Variants in VAT1L observed in about 807,000 individuals in gnomAD.
VAT1L encodes the protein putative NADPH-dependent quinone oxidoreductase VAT1L.
A neutral mutation model predicts 44.1 loss-of-function variants in VAT1L; 34 were observed. The observed-to-expected ratio is 0.77, with a 90% confidence interval of 0.59 to 1.03. The LOEUF (loss-of-function observed/expected upper bound fraction) is 1.03, where lower values mean the gene tolerates loss of function less well. Ranked by LOEUF, VAT1L falls within the 50% of genes least tolerant of loss-of-function variation. The pLI is 0.00. For synonymous variants in VAT1L, 253 were observed against 202.2 expected, an observed-to-expected ratio of 1.25 and a Z score of -2.13; for missense variants, 615 against 538.8, an observed-to-expected ratio of 1.14 and a Z score of -1.40.
intron 1 of VAT1L, among the ~76,000 whole-genome samples, chr16:77,809,108 C>T (rs2016218535): frequency 6.6e-6 from 1 of 152,214 alleles, no homozygotes; most frequent in African/African-American, 2.4e-5. Flanking sequence ...TCTGGATTTA[C>T]ATCACTTGCT....
chr16:77,867,302 C>T (rs1012431777), intron 4 of VAT1L, among the ~76,000 whole-genome samples: 1 of 152,102 alleles, frequency 6.6e-6, no homozygotes, highest in Non-Finnish European at 1.5e-5. Context: ...CATATTTAAT[C>T]TCTCACCAAA....
At chr16:77,847,794 A>G (rs2016772026) in intron 3 of VAT1L, among the ~76,000 whole-genome samples, 2 of 152,210 alleles carry the variant, frequency 1.3e-5, no homozygotes, top group African/African-American at 4.8e-5. Flanking sequence ...TGTGAATGGC[A>G]ATGTAATCTT....
intron 7 of VAT1L, among the ~76,000 whole-genome samples, chr16:77,907,958 G>C (rs947646797): frequency 1.4e-4 from 22 of 152,168 alleles, no homozygotes; most frequent in African/African-American, 4.8e-4. Context: ...GCCATCAAAA[G>C]GGCTGGACAC....
chr16:77,848,229 C>G (rs538022304), intron 3 of VAT1L, among the ~76,000 whole-genome samples: 1 of 152,180 alleles, frequency 6.6e-6, no homozygotes, highest in African/African-American at 2.4e-5. Context: ...ATAGAACGGG[C>G]TGACTAGAGA....
intron 8 of VAT1L, 78 bp downstream of exon 8, chr16:77,972,011 GGTAGAAGGAA>G: frequency 7.1e-7 from 1 of 1,414,970 alleles, no homozygotes; most frequent in Non-Finnish European, 9.7e-7. Flanking sequence ...ACACGGGTGG[GGTAGAAGGAA>G]GTACAGGTAG....
At chr16:77,977,444 A>G (rs2018353001) in intron 8 of VAT1L, among the ~76,000 whole-genome samples, 153 bp from the exon 9 acceptor site, 1 of 152,184 alleles carries the variant, frequency 6.6e-6, no homozygotes, top group South Asian at 2.1e-4. Flanking sequence ...AGGGTGCCCA[A>G]CATATGACAG....
At position 77,862,793 on chromosome 16, in the gene VAT1L, G is replaced by A. The variant is rs1472761758; in HGVS notation, c.625G>A (p.Val209Ile). The A allele has an allele frequency of 1.9e-6, 3 of 1,613,952 alleles. No homozygotes were observed. The highest frequency in any genetic ancestry group is 2.5e-6 in the Non-Finnish European group (3 of 1,180,018). Residue 209 changes from valine to isoleucine, a missense_variant, in exon 4 of 9, where the codon GTC becomes ATC. Transcript: ENST00000302536. ...QLCSTVPNVT[V>I]FGTASTFKHE... ...GTGTTCCACTGTCCCCAACGTGACT[G>A]TCTTTGGAACAGCCTCTACTTTCAA...
chr16:77,864,967 C>CTTTTTTTTTT (rs869037679), intron 4 of VAT1L, among the ~76,000 whole-genome samples: 1 of 95,380 alleles, frequency 1.0e-5, no homozygotes, highest in Non-Finnish European at 1.9e-5. Flanking sequence ...TCTTCTTATC[C>CTTTTTTTTTT]TTTTTTTTTT....
chr16:77,941,276 G>A (rs1045671244), intron 7 of VAT1L, among the ~76,000 whole-genome samples: 3 of 152,166 alleles, frequency 2.0e-5, no homozygotes, highest in Non-Finnish European at 2.9e-5. Context: ...GTGGCAGCTT[G>A]TTGCATTAGC....
intron 3 of VAT1L, among the ~76,000 whole-genome samples, chr16:77,858,115 C>G (rs1407147676): frequency 6.6e-6 from 1 of 152,182 alleles, no homozygotes; most frequent in African/African-American, 2.4e-5. Context: ...GACACAGTCC[C>G]TGCCCCCACA....
intron 7 of VAT1L, among the ~76,000 whole-genome samples, chr16:77,894,751 G>A (rs2017304039): frequency 6.6e-6 from 1 of 152,126 alleles, no homozygotes; most frequent in African/African-American, 2.4e-5. Flanking sequence ...TCATATATAT[G>A]CTAAGATAGA....
At chr16:77,825,122 C>T in intron 2 of VAT1L, 124 bp from the exon 3 acceptor site, 2 of 994,228 alleles carry the variant, frequency 2.0e-6, no homozygotes, top group Non-Finnish European at 3.1e-6. Flanking sequence ...CCACCTCAGC[C>T]TCCCAAAGTG....
At chr16:77,805,865 C>CTTTCTTTTTTTTT (rs2016147307) in intron 1 of VAT1L, among the ~76,000 whole-genome samples, 1 of 78,838 alleles carries the variant, frequency 1.3e-5, no homozygotes, top group Non-Finnish European at 2.8e-5. Flanking sequence ...TAGTCTCTGC[C>CTTTCTTTTTTTTT]TTTTTTTTTT....
At chr16:77,940,140 C>T (rs2017861512) in intron 7 of VAT1L, among the ~76,000 whole-genome samples, 1 of 152,090 alleles carries the variant, frequency 6.6e-6, no homozygotes, top group African/African-American at 2.4e-5. Flanking sequence ...GCCAGTGATA[C>T]GCTAGTGAAT....
At chr16:77,972,769 G>T (rs1046758659) in intron 8 of VAT1L, among the ~76,000 whole-genome samples, 1 of 150,468 alleles carries the variant, frequency 6.6e-6, no homozygotes, top group Non-Finnish European at 1.5e-5. Context: ...GGACTAGAAT[G>T]AGACTGTCTC....
Position 77,788,638 on chromosome 16 carries a change from C to A in VAT1L, c.-45C>A. The A allele has an allele frequency of 6.5e-7, 1 of 1,539,838 alleles. No individual in the cohort carries two copies. The highest frequency in any genetic ancestry group is 8.8e-7 in the Non-Finnish European group (1 of 1,141,768). ...GAGCCCCACTCCCCCAGCGCCGCAG[C>A]CACCGCAGCCACCGCAGCCCGTGCG... On this transcript the variant is annotated 5_prime_UTR_variant, in exon 1 of 9. Transcript: ENST00000302536.
chr16:77,947,916 C>G (rs968383850), intron 7 of VAT1L, among the ~76,000 whole-genome samples: 1 of 152,136 alleles, frequency 6.6e-6, no homozygotes, highest in African/African-American at 2.4e-5. Flanking sequence ...TGTGCCACCA[C>G]GCCCAGCTAA....
intron 8 of VAT1L, among the ~76,000 whole-genome samples, chr16:77,973,779 G>A (rs2018306037): frequency 6.6e-6 from 1 of 151,960 alleles, no homozygotes; most frequent in Non-Finnish European, 1.5e-5. Flanking sequence ...AGGCTGGAGT[G>A]CAGTGGTGCG....
intron 7 of VAT1L, among the ~76,000 whole-genome samples, chr16:77,968,513 C>T (rs954528003): frequency 6.6e-6 from 1 of 152,132 alleles, no homozygotes; most frequent in Non-Finnish European, 1.5e-5. Context: ...ATCACAAAGT[C>T]AGGAGATCAA....
Sources: gnomAD v4.1 joint callset for allele counts (sites outside exome capture counted in the v4.1 genomes callset) on GRCh38, gnomAD v4.1.1 for gene constraint, MANE v1.5 for transcripts, NCBI Gene and HGNC (gene_info 2026-07-23, HGNC 2026-07-21) for gene names.